XPO4: variants seen among roughly 807,000 people sequenced by gnomAD.
XPO4 encodes the protein exportin 4.
XPO4 carries 39 observed loss-of-function variants against 143.0 expected under a neutral mutation model. The observed-to-expected ratio is 0.27, with a 90% confidence interval of 0.21 to 0.36. The LOEUF is 0.36. Ranked by LOEUF, XPO4 falls within the 10% of genes least tolerant of loss-of-function variation. The pLI is 1.00. For synonymous variants in XPO4, 439 were observed against 474.0 expected (o/e 0.93, Z 0.96); for missense variants, 907 against 1,348.0 (o/e 0.67, Z 5.12).
At chr13:20,826,692 T>C (rs756616361) in intron 7 of XPO4, among the ~76,000 whole-genome samples, 58 of 152,368 alleles carry the variant, frequency 3.8e-4, no homozygotes, top group African/African-American at 1.1e-3. Flanking sequence ...CTTATGTTAA[T>C]ATGTAATCGT....
chr13:20,818,324 C>T (rs149072260), intron 9 of XPO4, among the ~76,000 whole-genome samples: 31 of 152,264 alleles, frequency 2.0e-4, no homozygotes, highest in African/African-American at 7.0e-4. Context: ...AAATATGTCT[C>T]TTCACTCACA....
chr13:20,896,961 T>C (rs965565453), intron 1 of XPO4, among the ~76,000 whole-genome samples: 9 of 152,236 alleles, frequency 5.9e-5, no homozygotes, highest in Non-Finnish European at 1.3e-4. Flanking sequence ...TTTGCATTTC[T>C]TCTCTGGATC....
intron 9 of XPO4, among the ~76,000 whole-genome samples, chr13:20,817,889 G>C (rs753898441): frequency 2.6e-5 from 4 of 152,066 alleles, no homozygotes; most frequent in Non-Finnish European, 4.4e-5. Flanking sequence ...TCTGCCTCCC[G>C]GGTTCAAGTA....
chr13:20,840,358 CCA>C (rs1217961795), intron 6 of XPO4, among the ~76,000 whole-genome samples: 1 of 152,056 alleles, frequency 6.6e-6, no homozygotes, highest in African/African-American at 2.4e-5. Context: ...CAGGCACACA[CCA>C]CACACCTAGC....
At chr13:20,810,365 C>T (rs985884735) in intron 9 of XPO4, among the ~76,000 whole-genome samples, 1 of 152,028 alleles carries the variant, frequency 6.6e-6, no homozygotes, top group Non-Finnish European at 1.5e-5. Flanking sequence ...GGGAGAACTC[C>T]ACCAGTGCTC....
intron 1 of XPO4, among the ~76,000 whole-genome samples, chr13:20,897,273 G>C (rs1410804138): frequency 6.6e-6 from 1 of 152,080 alleles, no homozygotes; most frequent in Non-Finnish European, 1.5e-5. Context: ...ACACATTGAA[G>C]GTCTCAGGAA....
rs1049955109 is a variant in XPO4, at chr13:20,827,437, TGAGAACCA to T, written c.728-266_728-259del. On this transcript the variant is annotated intron_variant, in intron 6 of 22. Transcript: ENST00000255305. ...TCATGCTGTAGGCATACAGAAACTT[TGAGAACCA>T]GAGAATTTAATGGTGGCAACAGAAG... 1.0e-3 allele frequency among the ~76,000 whole-genome samples: 157 copies of T among 152,188 alleles called. 2 individuals are homozygous for T. The highest frequency in any genetic ancestry group is 0.01 in the Admixed American group (157 of 15,278).
At position 20,783,930 on chromosome 13, in the gene XPO4, G is replaced by C. The variant is rs2059169410; in HGVS notation, c.3259-11C>G. The C allele has an allele frequency of 6.2e-7, 1 of 1,613,054 alleles. No homozygotes were observed. The highest frequency in any genetic ancestry group is 8.5e-7 in the Non-Finnish European group (1 of 1,179,094). ...TTCAGAATATTCAGCCTATTGAAGA[G>C]ATAAAGTATACACAAGTATCCTCCT... On this transcript the variant is annotated splice_polypyrimidine_tract_variant and intron_variant, in intron 22 of 22. Coordinates refer to ENST00000255305, the MANE Select transcript of XPO4 (RefSeq NM_022459.5).
intron 1 of XPO4, among the ~76,000 whole-genome samples, chr13:20,884,031 G>A (rs572381069): frequency 6.6e-6 from 1 of 152,292 alleles, no homozygotes; most frequent in East Asian, 1.9e-4. Context: ...CTCCTGAAGT[G>A]CTGCGATTAC....
At chr13:20,792,022 C>G (rs1224804137) in intron 18 of XPO4, among the ~76,000 whole-genome samples, 2 of 152,186 alleles carry the variant, frequency 1.3e-5, no homozygotes, top group Non-Finnish European at 2.9e-5. Context: ...GGTACTAGAG[C>G]TTGACTCCCT....
intron 4 of XPO4, chr13:20,852,819 T>C (rs1453427824): frequency 1.0e-6 from 1 of 984,886 alleles, no homozygotes; most frequent in Non-Finnish European, 1.2e-6. Flanking sequence ...ATATCCATTA[T>C]TCTTGCTATA....
intron 12 of XPO4, 55 bp from the exon 13 acceptor site, chr13:20,807,689 T>G: frequency 3.0e-6 from 4 of 1,337,630 alleles, no homozygotes; most frequent in Non-Finnish European, 4.0e-6. Flanking sequence ...ATTTATCAAA[T>G]TGTACTATAA....
intron 1 of XPO4, among the ~76,000 whole-genome samples, chr13:20,891,884 G>T (rs1337808536): frequency 6.8e-6 from 1 of 147,988 alleles, no homozygotes; most frequent in African/African-American, 2.4e-5. Flanking sequence ...AAAAAGATAG[G>T]GTCTTGCTAT....
At position 20,847,577 on chromosome 13, in the gene XPO4, C is replaced by T. The variant is rs181192891; in HGVS notation, c.457-3691G>A. On this transcript the variant is annotated intron_variant, in intron 4 of 22. Transcript: ENST00000255305. ...GACTGTTAGGTCTCAATGGGCATTC[C>T]GAGTGCACTACCCCCTAACTCACCC... is the stretch of plus-strand genomic sequence containing the variant. 1.6e-3 allele frequency among the ~76,000 whole-genome samples: 240 copies of T among 152,266 alleles called. 1 individual carries two copies. The highest frequency in any genetic ancestry group is 5.6e-3 in the African/African-American group (232 of 41,558).
chr13:20,795,877 C>T (rs2059351554), intron 18 of XPO4, among the ~76,000 whole-genome samples, 199 bp downstream of exon 18: 1 of 152,146 alleles, frequency 6.6e-6, no homozygotes, highest in Non-Finnish European at 1.5e-5. Flanking sequence ...ATGAGAGATA[C>T]TATTTCTATT....
At chr13:20,900,517 G>A (rs2138196378) in intron 1 of XPO4, among the ~76,000 whole-genome samples, 1 of 152,192 alleles carries the variant, frequency 6.6e-6, no homozygotes, top group South Asian at 2.1e-4. Flanking sequence ...TAATAATTTG[G>A]AATATAGCTT....
Position 20,884,657 on chromosome 13 carries a change from C to A in XPO4, c.70-15956G>T, listed in dbSNP as rs1422497759. ...CAAAATCCTGGGCTCAAGTGATTCT[C>A]CTGCCTCAGCCTCCCAAAATTCTGG... On this transcript the variant is annotated intron_variant, in intron 1 of 22. Transcript: ENST00000255305. Among the ~76,000 whole-genome samples, 3 of 152,140 alleles carry A rather than the reference C, an allele frequency of 2.0e-5. No homozygotes were observed. In the East Asian group the frequency reaches 5.8e-4, roughly 29 times the overall value.
intron 9 of XPO4, among the ~76,000 whole-genome samples, chr13:20,813,648 C>T (rs2059611742): frequency 6.6e-6 from 1 of 152,104 alleles, no homozygotes; most frequent in African/African-American, 2.4e-5. Context: ...AAATTCCACT[C>T]CTAGGTTTAT....
chr13:20,895,798 T>TA lies in XPO4; in HGVS notation c.69+6871dup, dbSNP rs565183593. On this transcript the variant is annotated intron_variant, in intron 1 of 22. Coordinates refer to ENST00000255305, the MANE Select transcript of XPO4 (RefSeq NM_022459.5). ...CCATGTTCATTCAGATCTTCCCATT[T>TA]AAAAAAAAAGCTATCACATTTTAGA... Among the ~76,000 whole-genome samples, 237 of 151,340 alleles carry TA rather than the reference T, an allele frequency of 1.6e-3. 2 individuals carry two copies. The highest frequency in any genetic ancestry group is 4.6e-3 in the African/African-American group (189 of 41,272).
Sources: gnomAD v4.1 joint callset for allele counts (sites outside exome capture counted in the v4.1 genomes callset) on GRCh38, gnomAD v4.1.1 for gene constraint, MANE v1.5 for transcripts, NCBI Gene and HGNC (gene_info 2026-07-23, HGNC 2026-07-21) for gene names.